The following ZFYVE1 variants were observed in gnomAD, a reference collection of about 807,000 sequenced individuals.
ZFYVE1 encodes the protein zinc finger FYVE-type containing 1.
A neutral mutation model predicts 74.4 loss-of-function variants in ZFYVE1; 30 were observed. That is an observed-to-expected ratio of 0.40 (90% CI 0.30 to 0.55). The LOEUF (loss-of-function observed/expected upper bound fraction) is 0.55. Ranked by LOEUF, ZFYVE1 falls within the 20% of genes least tolerant of loss-of-function variation. The pLI, the probability that ZFYVE1 is intolerant of heterozygous loss-of-function variation, is 0.42. For synonymous variants in ZFYVE1, 335 were observed against 385.1 expected (o/e 0.87, Z 1.52); for missense variants, 703 against 1,011.6 (o/e 0.69, Z 4.14).
Position 72,978,048 on chromosome 14 carries a change from C to G in ZFYVE1, c.1518-4G>C, listed in dbSNP as rs760593958. On this transcript the variant is annotated splice_region_variant and splice_polypyrimidine_tract_variant and intron_variant, in intron 7 of 11. Coordinates refer to ENST00000556143, the MANE Select transcript of ZFYVE1 (RefSeq NM_021260.4). ...GTTAGGACATTCGATCACATACCTA[C>G]AAGGAAAGCAAATCAATACTGTTAC... The G allele has an allele frequency of 3.7e-6, 6 of 1,614,026 alleles. No homozygotes were observed. In the East Asian group the frequency reaches 1.3e-4, roughly 36 times the overall value.
intron 2 of ZFYVE1, among the ~76,000 whole-genome samples, chr14:73,010,824 G>A (rs991233626): frequency 6.3e-5 from 9 of 143,712 alleles, no homozygotes; most frequent in African/African-American, 2.3e-4. Flanking sequence ...AAATTATAGA[G>A]TCAGGGTTGG....
intron 2 of ZFYVE1, among the ~76,000 whole-genome samples, chr14:72,998,782 T>G (rs1383426118): frequency 6.6e-6 from 1 of 151,506 alleles, no homozygotes; most frequent in South Asian, 2.1e-4. Context: ...GCCCAGAAGT[T>G]TGAGGCTGCA....
chr14:73,003,620 G>C (rs1459518976), intron 2 of ZFYVE1, among the ~76,000 whole-genome samples: 2 of 151,940 alleles, frequency 1.3e-5, no homozygotes, highest in Non-Finnish European at 2.9e-5. Context: ...TGGGACAGGA[G>C]AATCACTTGA....
At chr14:73,001,450 T>G (rs1284939038) in intron 2 of ZFYVE1, among the ~76,000 whole-genome samples, 1 of 152,178 alleles carries the variant, frequency 6.6e-6, no homozygotes, top group Non-Finnish European at 1.5e-5. Context: ...TCTCTTATTC[T>G]AAAGACATTG....
intron 2 of ZFYVE1, among the ~76,000 whole-genome samples, chr14:73,001,465 T>C (rs1037112759): frequency 9.9e-5 from 15 of 152,170 alleles, no homozygotes; most frequent in African/African-American, 3.1e-4. Context: ...ACATTGTCTA[T>C]GGCCATACCC....
intron 4 of ZFYVE1, 135 bp from the exon 5 acceptor site, chr14:72,982,030 C>T (rs1349985034): frequency 8.5e-6 from 6 of 702,112 alleles, no homozygotes; most frequent in East Asian, 8.1e-5. Flanking sequence ...CCTTGACCTT[C>T]CTGACCCCAC....
chr14:73,019,383 G>A (rs1241800793), intron 2 of ZFYVE1, among the ~76,000 whole-genome samples: 1 of 150,452 alleles, frequency 6.6e-6, no homozygotes, highest in East Asian at 2.0e-4. Flanking sequence ...GGAATTCAAC[G>A]CCAGCCTGGG....
rs147387760 is a variant in ZFYVE1 at position 72,986,374 on chromosome 14, C to T, written c.1204-4479G>A. Among the ~76,000 whole-genome samples the T allele has an allele frequency of 9.8e-4, 149 of 152,074 alleles. 1 individual carries two copies. Among genetic ancestry groups the T allele is most frequent in the African/African-American group, 3.3e-3 (138 of 41,488 alleles). On this transcript the variant is annotated intron_variant, in intron 4 of 11. Transcript: ENST00000556143. ...TTGCATATGAGGTAAGAACAAGCAT[C>T]TCACTCGTTCACAAGTCACAGCCTG...
chr14:72,977,673 A>G (rs1352898055), intron 8 of ZFYVE1, among the ~76,000 whole-genome samples: 1 of 152,210 alleles, frequency 6.6e-6, no homozygotes, highest in Non-Finnish European at 1.5e-5. Context: ...AAAACGTTTT[A>G]TTTGCCAAAG....
chr14:73,020,237 G>T (rs1894287982), intron 2 of ZFYVE1, among the ~76,000 whole-genome samples: 1 of 128,192 alleles, frequency 7.8e-6, no homozygotes, highest in African/African-American at 3.1e-5. Context: ...CACCTGCTGG[G>T]TGACAGAGTG....
At chr14:72,976,545 G>A (rs1893175157) in intron 8 of ZFYVE1, among the ~76,000 whole-genome samples, 1 of 152,134 alleles carries the variant, frequency 6.6e-6, no homozygotes, top group Non-Finnish European at 1.5e-5. Context: ...AGCATTTTGG[G>A]AGGCCGAGGT....
rs748773387 is a variant in ZFYVE1, at chr14:72,978,006, C to T, written c.1556G>A (p.Arg519His). The change falls in exon 8 of 12, where the codon CGT becomes CAT. Residue 519 changes from arginine (R) to histidine (H), a missense_variant. Arg to His is a conservative substitution (Grantham distance 29). This residue lies in a region of ZFYVE1 where 492 missense variants were observed against 790.0 expected (regional missense o/e 0.62). Coordinates refer to ENST00000556143, the MANE Select transcript of ZFYVE1 (RefSeq NM_021260.4). ...GTTTCCAAACCAGTACTGCCGACTA[C>T]GATAGACCACGCCACAGTTAGGACA... is the stretch of plus-strand genomic sequence containing the variant. ...IECPNCGVVY[R>H]SRQYWFGNQD... 13 of 1,614,214 alleles carry T rather than the reference C, an allele frequency of 8.1e-6. No individual in the cohort carries two copies. Among genetic ancestry groups the T allele is most frequent in the Admixed American group, 1.7e-5 (1 of 60,018 alleles).
At chr14:72,996,396 T>A (rs1567354794) in intron 3 of ZFYVE1, among the ~76,000 whole-genome samples, 2 of 152,194 alleles carry the variant, frequency 1.3e-5, no homozygotes, top group Non-Finnish European at 2.9e-5. Flanking sequence ...TGTCTCTTTT[T>A]TCTTTCCTTC....
At chr14:72,981,545 G>T (rs1204693397) in intron 5 of ZFYVE1, among the ~76,000 whole-genome samples, 1 of 152,138 alleles carries the variant, frequency 6.6e-6, no homozygotes, top group Non-Finnish European at 1.5e-5. Context: ...ATACCAGCTG[G>T]AATTTCCAGG....
At chr14:73,012,652 G>A (rs1022658491) in intron 2 of ZFYVE1, among the ~76,000 whole-genome samples, 6 of 152,018 alleles carry the variant, frequency 3.9e-5, no homozygotes, top group Non-Finnish European at 8.8e-5. Context: ...TCCTTGAAAA[G>A]CCTCTACTCA....
chr14:72,973,564 C>T (rs1328596875), intron 11 of ZFYVE1, among the ~76,000 whole-genome samples: 1 of 152,096 alleles, frequency 6.6e-6, no homozygotes, highest in African/African-American at 2.4e-5. Flanking sequence ...AACATTAACT[C>T]CTGGAACCCT....
chr14:72,991,478 C>T (rs1173076282), intron 4 of ZFYVE1, among the ~76,000 whole-genome samples: 4 of 151,330 alleles, frequency 2.6e-5, no homozygotes, highest in African/African-American at 7.2e-5. Flanking sequence ...CGTGAGCCAC[C>T]GCGCCCGGCC....
chr14:72,983,696 T>A (rs1893402712), intron 4 of ZFYVE1, among the ~76,000 whole-genome samples: 1 of 152,194 alleles, frequency 6.6e-6, no homozygotes, highest in African/African-American at 2.4e-5. Context: ...GCATGATTTA[T>A]AATCCTTTGG....
intron 2 of ZFYVE1, among the ~76,000 whole-genome samples, chr14:73,022,855 T>C (rs1291873279): frequency 3.9e-5 from 6 of 152,224 alleles, no homozygotes; most frequent in African/African-American, 1.4e-4. Context: ...TGGCTTTTAC[T>C]GATCAGAAAC....
Sources: gnomAD v4.1 joint callset for allele counts (sites outside exome capture counted in the v4.1 genomes callset) on GRCh38, gnomAD v4.1.1 for gene constraint, gnomAD v4.1.1 regional missense constraint, MANE v1.5 for transcripts, NCBI Gene and HGNC (gene_info 2026-07-23, HGNC 2026-07-21) for gene names.